Variants in PGR observed in about 807,000 individuals in gnomAD.
The protein encoded by PGR is progesterone receptor.
Under a neutral mutation model 76.1 loss-of-function variants are expected in PGR, and 25 were observed. That is an observed-to-expected ratio of 0.33 (90% CI 0.24 to 0.46). The LOEUF (loss-of-function observed/expected upper bound fraction) is 0.46, where lower values mean the gene tolerates loss of function less well. Among genes scored for constraint, PGR ranks in the 20% least tolerant of loss-of-function variants. PGR has a pLI of 1.00. For missense variants in PGR, 1,172 were observed against 1,225.3 expected (o/e 0.96, Z 0.65); for synonymous variants, 579 against 535.0 (o/e 1.08, Z -1.14).
intron 2 of PGR, among the ~76,000 whole-genome samples, chr11:101,122,900 C>T (rs1037760770): frequency 6.6e-6 from 1 of 152,156 alleles, no homozygotes; most frequent in Non-Finnish European, 1.5e-5. Context: ...TTTTATATCA[C>T]ACACTTCTCA....
At chr11:101,094,417 C>A (rs779283873) in intron 2 of PGR, among the ~76,000 whole-genome samples, 3 of 152,120 alleles carry the variant, frequency 2.0e-5, no homozygotes, top group Non-Finnish European at 4.4e-5. Context: ...TATTTTGGGG[C>A]CTCTCTTTTC....
chr11:101,067,902 A>G (rs1444522515), intron 3 of PGR, among the ~76,000 whole-genome samples: 6 of 152,194 alleles, frequency 3.9e-5, no homozygotes, highest in Admixed American at 3.9e-4. Context: ...TAAAAAATCT[A>G]TTAGTGAGAA....
intron 2 of PGR, among the ~76,000 whole-genome samples, chr11:101,103,744 T>G (rs997841632): frequency 5.3e-5 from 8 of 152,234 alleles, no homozygotes; most frequent in Non-Finnish European, 1.0e-4. Context: ...ATAGGGTGTT[T>G]TTCCTTCTCA....
At chr11:101,062,867 G>GAACGA (rs1565339218) in intron 3 of PGR, 115 bp from the exon 4 acceptor site, 1 of 612,702 alleles carries the variant, frequency 1.6e-6, no homozygotes, top group African/African-American at 1.9e-5. Context: ...AGCATCAATC[G>GAACGA]AATGAAATAG....
intron 4 of PGR, among the ~76,000 whole-genome samples, chr11:101,053,328 C>T (rs907939219): frequency 1.3e-5 from 2 of 152,004 alleles, no homozygotes; most frequent in African/African-American, 2.4e-5. Context: ...CACTTCAGAT[C>T]GTCCCATCTT....
intron 3 of PGR, among the ~76,000 whole-genome samples, chr11:101,076,084 A>G (rs1775489818): frequency 6.6e-6 from 1 of 152,208 alleles, no homozygotes; most frequent in Non-Finnish European, 1.5e-5. Context: ...CCCATCAATG[A>G]TAGACTGGAT....
intron 4 of PGR, among the ~76,000 whole-genome samples, chr11:101,054,786 T>A (rs1443322642): frequency 6.6e-6 from 1 of 152,190 alleles, no homozygotes; most frequent in African/African-American, 2.4e-5. Flanking sequence ...TGAGTTGCTA[T>A]GAGACAAATG....
chr11:101,073,922 T>C (rs1861032312), intron 3 of PGR, among the ~76,000 whole-genome samples: 1 of 152,166 alleles, frequency 6.6e-6, no homozygotes, highest in Admixed American at 6.5e-5. Context: ...GCTGGCACCA[T>C]TCTTTCTAAA....
chr11:101,098,765 G>A (rs1485067171), intron 2 of PGR, among the ~76,000 whole-genome samples: 1 of 152,192 alleles, frequency 6.6e-6, no homozygotes, highest in Non-Finnish European at 1.5e-5. Context: ...CCCAATGGAA[G>A]AGAGTGGCAG....
In PGR at chr11:101,073,113, TAACA is replaced by T. The variant is rs766002291; in HGVS notation, c.1907-10365_1907-10362del. Among the ~76,000 whole-genome samples the T allele has an allele frequency of 7.2e-5, 11 of 152,138 alleles. No homozygotes were observed. In the East Asian group the frequency reaches 7.7e-4, roughly 11 times the overall value. On this transcript the variant is annotated intron_variant, in intron 3 of 7. Transcript: ENST00000325455. ...AGCAAATGTGAAAGAATGGAAATAA[TAACA>T]AACAGTTTCTCAGACCACAGTGCAA...
Position 101,062,604 on chromosome 11 carries a change from T to C in PGR, c.2055A>G (p.Pro685=), listed in dbSNP as rs147025347. The C allele has an allele frequency of 7.4e-6, 12 of 1,613,884 alleles. No homozygotes were observed. In the African/African-American group the frequency reaches 1.6e-4, roughly 22 times the overall value. ...TGCTCATTAACAGGTTGATCAGTGG[T>C]GGAATCAACTGTATGTCTTGACCTG... ...FSPGQDIQLI[P]PLINLLMSIE... Residue 685 remains proline (P), a synonymous_variant, in exon 4 of 8, where the codon CCA becomes CCG. Transcript: ENST00000325455.
chr11:101,085,101 C>A (rs1163672943), intron 3 of PGR, among the ~76,000 whole-genome samples: 2 of 152,130 alleles, frequency 1.3e-5, no homozygotes, highest in Non-Finnish European at 2.9e-5. Context: ...TAAACATCTA[C>A]AGAATAATCC....
intron 2 of PGR, among the ~76,000 whole-genome samples, chr11:101,118,741 G>A (rs1862584249): frequency 6.6e-6 from 1 of 152,146 alleles, no homozygotes; most frequent in East Asian, 1.9e-4. Context: ...AGAAAAAAAT[G>A]TCTTGATGAT....
At chr11:101,104,542 C>T (rs1862090669) in intron 2 of PGR, among the ~76,000 whole-genome samples, 1 of 152,184 alleles carries the variant, frequency 6.6e-6, no homozygotes, top group East Asian at 1.9e-4. Flanking sequence ...TTACCAATTT[C>T]TCTTCATTCC....
intron 2 of PGR, among the ~76,000 whole-genome samples, chr11:101,109,090 G>A (rs915710315): frequency 1.3e-5 from 2 of 152,174 alleles, no homozygotes; most frequent in African/African-American, 4.8e-5. Context: ...ACTGATAAAT[G>A]TGTGTGTTCA....
At chr11:101,063,795 C>T (rs918820264) in intron 3 of PGR, 2 of 152,108 alleles carry the variant, frequency 1.3e-5, no homozygotes, top group East Asian at 1.9e-4. Flanking sequence ...TGAGACCATC[C>T]GTGAATTACT....
At chr11:101,053,585 CCCTTTCTTCCCTCCCCTTCTCCCT>C (rs1205944594) in intron 4 of PGR, among the ~76,000 whole-genome samples, 12 of 120,780 alleles carry the variant, frequency 9.9e-5, no homozygotes, top group South Asian at 7.2e-4. Flanking sequence ...CTCCCCTTCT[CCCTTTCTTCCCTCCCCTTCTCCCT>C]CCTTTCTTCC....
At chr11:101,044,764 T>C (rs1359435947) in intron 6 of PGR, among the ~76,000 whole-genome samples, 1 of 143,002 alleles carries the variant, frequency 7.0e-6, no homozygotes, top group African/African-American at 2.6e-5. Flanking sequence ...TGGAGTTCAG[T>C]GGCACAATCT....
Position 101,113,480 on chromosome 11 carries a change from C to A in PGR, c.1789+12527G>T, listed in dbSNP as rs186051632. Among the ~76,000 whole-genome samples, 618 of 151,730 alleles carry A rather than the reference C, an allele frequency of 4.1e-3. 2 individuals are homozygous for A. Among genetic ancestry groups the A allele is most frequent in the African/African-American group, 0.014 (596 of 41,306 alleles). ...ACGGGGTTTCTTTCACCGTGTTAGC[C>A]AGGATGGTCACGATCTCCTGACCTC... On this transcript the variant is annotated intron_variant, in intron 2 of 7. Transcript: ENST00000325455.
Sources: gnomAD v4.1 joint callset for allele counts (sites outside exome capture counted in the v4.1 genomes callset) on GRCh38, gnomAD v4.1.1 for gene constraint, MANE v1.5 for transcripts, NCBI Gene and HGNC (gene_info 2026-07-23, HGNC 2026-07-21) for gene names.